PRICKLE1: variants seen among roughly 807,000 people sequenced by gnomAD.
PRICKLE1 encodes the protein prickle-like protein 1.
Under a neutral mutation model 70.2 loss-of-function variants are expected in PRICKLE1, and 14 were observed. The observed-to-expected ratio is 0.20, with a 90% CI of 0.13 to 0.31. The LOEUF is 0.31. Among genes scored for constraint, PRICKLE1 ranks in the 10% least tolerant of loss-of-function variants. The pLI is 1.00. For missense variants in PRICKLE1, 821 were observed against 1,026.2 expected (o/e 0.80, Z 2.73); for synonymous variants, 357 against 379.9 (o/e 0.94, Z 0.70).
At chr12:42,515,363 C>T (rs1939591934) in intron 1 of PRICKLE1, among the ~76,000 whole-genome samples, 1 of 151,782 alleles carries the variant, frequency 6.6e-6, no homozygotes, top group African/African-American at 2.4e-5. Context: ...CCTCAGCCTC[C>T]CAAGTAGCTG....
chr12:42,545,825 G>A (rs1940197934), intron 1 of PRICKLE1, among the ~76,000 whole-genome samples: 1 of 151,030 alleles, frequency 6.6e-6, no homozygotes, highest in African/African-American at 2.4e-5. Context: ...ACTCCAGCCT[G>A]GGTGACAGAG....
intron 1 of PRICKLE1, among the ~76,000 whole-genome samples, chr12:42,507,271 C>T (rs1939436861): frequency 1.3e-5 from 2 of 152,142 alleles, no homozygotes; most frequent in Admixed American, 6.5e-5. Context: ...AGGCAGATCA[C>T]GTGTCATTTG....
chr12:42,459,327 G>A lies in PRICKLE1; in HGVS notation c.*482C>T, dbSNP rs1314444222. On this transcript the variant is annotated 3_prime_UTR_variant, in exon 8 of 8. Transcript: ENST00000345127. Reference sequence around the variant, plus strand: ...TACCTGGCCAAAGAGGGTTCGAGGGGACAAGCTGGCCTCACAATAAGATGC... The same window carrying A: ...TACCTGGCCAAAGAGGGTTCGAGGGAACAAGCTGGCCTCACAATAAGATGC... 1 of 702,066 alleles carries A rather than the reference G, an allele frequency of 1.4e-6. No individual in the cohort carries two copies. The highest frequency in any genetic ancestry group is 2.6e-6 in the Non-Finnish European group (1 of 384,928). 43.5% of individuals were successfully genotyped at this position (702,066 alleles called of 1,614,324 possible). A position where few individuals can be genotyped will look rare whatever the true frequency, so the allele number is the denominator to read the frequency against.
intron 1 of PRICKLE1, among the ~76,000 whole-genome samples, chr12:42,474,305 A>T (rs754485655): frequency 5.3e-5 from 8 of 152,232 alleles, no homozygotes; most frequent in Admixed American, 1.3e-4. Context: ...CTTGATTAAA[A>T]TTTATGGTTT....
chr12:42,558,903 T>TA (rs1293406245), intron 1 of PRICKLE1, among the ~76,000 whole-genome samples: 1 of 152,098 alleles, frequency 6.6e-6, no homozygotes, highest in Non-Finnish European at 1.5e-5. Flanking sequence ...AGGCAGAGAT[T>TA]AAAAAAAGAA....
intron 1 of PRICKLE1, among the ~76,000 whole-genome samples, chr12:42,533,180 C>T (rs1939951644): frequency 6.6e-6 from 1 of 150,956 alleles, no homozygotes; most frequent in African/African-American, 2.4e-5. Context: ...AAAATGTTTA[C>T]CATGTTATTC....
chr12:42,476,470 C>T (rs760563318), intron 1 of PRICKLE1, among the ~76,000 whole-genome samples: 12 of 151,448 alleles, frequency 7.9e-5, no homozygotes, highest in Admixed American at 4.6e-4. Flanking sequence ...GCGTGAGCCA[C>T]TGCACCTGGC....
At chr12:42,518,275 C>A (rs1305386763) in intron 1 of PRICKLE1, among the ~76,000 whole-genome samples, 1 of 152,140 alleles carries the variant, frequency 6.6e-6, no homozygotes, top group Non-Finnish European at 1.5e-5. Context: ...AACTCCTGGA[C>A]TCAAGCAATC....
At chr12:42,514,413 T>G (rs2406679) in intron 1 of PRICKLE1, among the ~76,000 whole-genome samples, 50,761 of 152,050 alleles carry the variant, frequency 0.33, 10,268 homozygotes, top group East Asian at 0.51. Flanking sequence ...ATCATCTTTT[T>G]TTTTGTTTTT....
chr12:42,459,874 C>G lies in PRICKLE1; in HGVS notation c.2431G>C (p.Gly811Arg). 1 of 1,613,926 alleles carries G rather than the reference C, an allele frequency of 6.2e-7. No homozygotes were observed. The highest frequency in any genetic ancestry group is 8.5e-7 in the Non-Finnish European group (1 of 1,179,906). The change falls in exon 8 of 8, where the codon GGT becomes CGT. Residue 811 changes from glycine (G) to arginine (R), a missense_variant. Physicochemically the swap from Gly to Arg is moderately radical, Grantham distance 125. Coordinates refer to ENST00000345127, the MANE Select transcript of PRICKLE1 (RefSeq NM_153026.3). ...TTCTTGGATTTTGTTGTCCTCTGAC[C>G]AAACTGAGGGGTGGGAAGTGCAGAT... The part of the protein sequence containing the change: ...PPSALPTPQF[G>R]QRTTKSKKKK...
chr12:42,469,747 G>T, intron 3 of PRICKLE1, 160 bp from the exon 4 acceptor site: 3 of 834,648 alleles, frequency 3.6e-6, no homozygotes, highest in Non-Finnish European at 5.7e-6. Context: ...GAATTTTACA[G>T]CCTCTCTAGA....
At chr12:42,542,780 A>G (rs1940139856) in intron 1 of PRICKLE1, among the ~76,000 whole-genome samples, 1 of 152,250 alleles carries the variant, frequency 6.6e-6, no homozygotes, top group Non-Finnish European at 1.5e-5. Context: ...GTCTTACAGA[A>G]GGGCCCACAT....
At chr12:42,563,314 T>C (rs1212938415) in intron 1 of PRICKLE1, among the ~76,000 whole-genome samples, 3 of 152,108 alleles carry the variant, frequency 2.0e-5, no homozygotes, top group South Asian at 2.1e-4. Flanking sequence ...TATTAATTTA[T>C]TTTTTCTCAA....
chr12:42,582,716 C>T (rs1045202505), intron 1 of PRICKLE1, among the ~76,000 whole-genome samples: 1 of 152,224 alleles, frequency 6.6e-6, no homozygotes, highest in African/African-American at 2.4e-5. Context: ...GTCCGACCCA[C>T]GGACCGTGGG....
At chr12:42,538,580 A>G (rs145512235) in intron 1 of PRICKLE1, among the ~76,000 whole-genome samples, 7 of 152,318 alleles carry the variant, frequency 4.6e-5, no homozygotes, top group African/African-American at 1.4e-4. Context: ...CCGAGCATGG[A>G]GTATCAAGAT....
chr12:42,510,571 G>A (rs1330819793), intron 1 of PRICKLE1, among the ~76,000 whole-genome samples: 1 of 129,942 alleles, frequency 7.7e-6, no homozygotes, highest in Non-Finnish European at 1.7e-5. Context: ...CATTTTTAAG[G>A]GAGAAAGCAT....
At chr12:42,500,274 G>A (rs1344354565) in intron 1 of PRICKLE1, among the ~76,000 whole-genome samples, 1 of 152,154 alleles carries the variant, frequency 6.6e-6, no homozygotes, top group African/African-American at 2.4e-5. Context: ...GCAGTTCATT[G>A]TACCATCTTA....
intron 1 of PRICKLE1, among the ~76,000 whole-genome samples, chr12:42,530,522 T>C (rs967882889): frequency 5.3e-5 from 8 of 152,060 alleles, no homozygotes; most frequent in Non-Finnish European, 7.4e-5. Context: ...GATATGAGAG[T>C]TCAGCAACTC....
Position 42,562,400 on chromosome 12 carries a change from T to A in PRICKLE1, c.-49+27065A>T, listed in dbSNP as rs548919088. On this transcript the variant is annotated intron_variant, in intron 1 of 7. Coordinates refer to ENST00000345127, the MANE Select transcript of PRICKLE1 (RefSeq NM_153026.3). ...ATGTAAAAATATTAATAAACATTTT[T>A]AAAAAGGCAGAGTTAAAATATATTA... 6.2e-3 allele frequency among the ~76,000 whole-genome samples: 944 copies of A among 152,254 alleles called. 4 individuals are homozygous for A. Among genetic ancestry groups the A allele is most frequent in the Non-Finnish European group, 0.011 (754 of 68,030 alleles).
Sources: gnomAD v4.1 joint callset for allele counts (sites outside exome capture counted in the v4.1 genomes callset) on GRCh38, gnomAD v4.1.1 for gene constraint, MANE v1.5 for transcripts, NCBI Gene and HGNC (gene_info 2026-07-23, HGNC 2026-07-21) for gene names.